The following RNF121 variants were observed in gnomAD, a reference collection of about 807,000 sequenced individuals.
RNF121 encodes the protein ring finger protein 121, also known as E3 ubiquitin ligase RNF121.
A neutral mutation model predicts 46.5 loss-of-function variants in RNF121; 21 were observed. That is an observed-to-expected ratio of 0.45 (90% CI 0.32 to 0.65). The LOEUF is 0.65. Ranked by LOEUF, RNF121 falls within the 30% of genes least tolerant of loss-of-function variation. The pLI, the probability that RNF121 is intolerant of heterozygous loss-of-function variation, is 0.04. For synonymous variants in RNF121, 139 were observed against 144.7 expected (o/e 0.96, Z 0.28); for missense variants, 346 against 416.0 (o/e 0.83, Z 1.46).
intron 1 of RNF121, among the ~76,000 whole-genome samples, chr11:71,946,057 G>A (rs1340698085): frequency 1.3e-5 from 2 of 152,004 alleles, no homozygotes; most frequent in Admixed American, 6.6e-5. Flanking sequence ...GCTGCAGTGA[G>A]TTATGTTTGT....
chr11:71,938,095 C>T (rs1460087935), intron 1 of RNF121, among the ~76,000 whole-genome samples: 2 of 152,134 alleles, frequency 1.3e-5, no homozygotes, highest in Non-Finnish European at 2.9e-5. Context: ...GTCCTCCTTT[C>T]ACAGAGTGTT....
intron 3 of RNF121, among the ~76,000 whole-genome samples, chr11:71,981,819 T>C (rs2134204630): frequency 6.6e-6 from 1 of 152,260 alleles, no homozygotes; most frequent in South Asian, 2.1e-4. Context: ...TTTTCTAGTT[T>C]AGAGGAAGTG....
chr11:71,982,974 A>G (rs1590809194), intron 4 of RNF121, 59 bp downstream of exon 4: 7 of 1,511,750 alleles, frequency 4.6e-6, no homozygotes, highest in Non-Finnish European at 4.4e-6. Flanking sequence ...GTTGGAATGC[A>G]TGGGAGGAGC....
At chr11:71,969,163 A>G (rs1232206810) in intron 3 of RNF121, among the ~76,000 whole-genome samples, 1 of 152,142 alleles carries the variant, frequency 6.6e-6, no homozygotes, top group Admixed American at 6.5e-5. Flanking sequence ...CTGGGATTAC[A>G]GACGTGAGCC....
intron 5 of RNF121, among the ~76,000 whole-genome samples, chr11:71,987,590 G>A (rs1954794656): frequency 6.6e-6 from 1 of 152,150 alleles, no homozygotes; most frequent in Non-Finnish European, 1.5e-5. Flanking sequence ...ACATAGTCAT[G>A]CCCATTCATT....
At chr11:71,991,000 A>G (rs1449055355) in intron 6 of RNF121, among the ~76,000 whole-genome samples, 1 of 152,230 alleles carries the variant, frequency 6.6e-6, no homozygotes, top group Non-Finnish European at 1.5e-5. Flanking sequence ...GTTCTTACTT[A>G]TAAGTGGGAA....
Position 71,929,953 on chromosome 11 carries a change from T to G in RNF121, c.63+829T>G, listed in dbSNP as rs11235407. ...AAACGATAAATAAGTGTCTCTCTCT[T>G]CTTCTGGATTTATGAGTTCCTTGAA... On this transcript the variant is annotated intron_variant, in intron 1 of 8. Coordinates refer to ENST00000361756, the MANE Select transcript of RNF121 (RefSeq NM_018320.5). Among the ~76,000 whole-genome samples, 118 of 152,346 alleles carry G rather than the reference T, an allele frequency of 7.7e-4. 1 individual carries two copies. In the East Asian group the frequency reaches 0.017, roughly 22 times the overall value.
intron 1 of RNF121, among the ~76,000 whole-genome samples, chr11:71,934,597 G>C (rs1293714756): frequency 6.6e-6 from 1 of 152,160 alleles, no homozygotes; most frequent in African/African-American, 2.4e-5. Context: ...CTTCTCTAGA[G>C]ATTTTTGGTC....
At chr11:71,931,244 C>T (rs1243047660) in intron 1 of RNF121, among the ~76,000 whole-genome samples, 1 of 152,180 alleles carries the variant, frequency 6.6e-6, no homozygotes, top group Admixed American at 6.5e-5. Flanking sequence ...TACAGAGTAT[C>T]ATGCATAGGA....
At chr11:71,985,261 T>G (rs1487484538) in intron 4 of RNF121, among the ~76,000 whole-genome samples, 1 of 152,146 alleles carries the variant, frequency 6.6e-6, no homozygotes, top group Non-Finnish European at 1.5e-5. Flanking sequence ...TATTTATACA[T>G]GTAGCATTTC....
At chr11:71,967,424 A>ACTGCAAT (rs1954310101) in intron 3 of RNF121, among the ~76,000 whole-genome samples, 1 of 135,218 alleles carries the variant, frequency 7.4e-6, no homozygotes, top group Non-Finnish European at 1.5e-5. Context: ...GTCTCGGCTC[A>ACTGCAAT]CTGCAATCTC....
At chr11:71,983,771 G>T (rs746040775) in intron 4 of RNF121, 5 of 152,280 alleles carry the variant, frequency 3.3e-5, no homozygotes, top group Non-Finnish European at 5.9e-5. Flanking sequence ...AGTGCAGTTG[G>T]TAAGTGCTAT....
At chr11:71,941,930 A>ATT (rs35553015) in intron 1 of RNF121, among the ~76,000 whole-genome samples, 2 of 102,704 alleles carry the variant, frequency 1.9e-5, no homozygotes, top group African/African-American at 7.1e-5. Flanking sequence ...TGTAATGAGA[A>ATT]TTTTTTTTTT....
chr11:71,995,738 T>G (rs1224951080), intron 8 of RNF121, among the ~76,000 whole-genome samples, 187 bp downstream of exon 8: 1 of 152,192 alleles, frequency 6.6e-6, no homozygotes, highest in Non-Finnish European at 1.5e-5. Context: ...ATTCTAGGAT[T>G]ATTGCCTATT....
chr11:71,995,326 C>G, intron 7 of RNF121, 124 bp from the exon 8 acceptor site: 1 of 746,658 alleles, frequency 1.3e-6, no homozygotes, highest in Non-Finnish European at 2.3e-6. Flanking sequence ...GGTTCAGACA[C>G]AGGGACTTGC....
intron 6 of RNF121, 135 bp downstream of exon 6, chr11:71,990,852 A>ACATCT: frequency 9.8e-7 from 1 of 1,020,278 alleles, no homozygotes; most frequent in Non-Finnish European, 1.4e-6. Context: ...GTGCATATGC[A>ACATCT]TGGACATTCC....
rs188343302 is a variant in RNF121 at position 71,975,665 on chromosome 11, C to T, written c.244-7096C>T. On this transcript the variant is annotated intron_variant, in intron 3 of 8. Coordinates refer to ENST00000361756, the MANE Select transcript of RNF121 (RefSeq NM_018320.5). ...CATCTCTGAATTCCCCAGTCATTAG[C>T]ATGGCATCCAGTAAGTGCTCAGTAA... Among the ~76,000 whole-genome samples the T allele has an allele frequency of 1.4e-4, 21 of 152,322 alleles. No homozygotes were observed. The East Asian group carries it at 3.9e-3, about 28-fold the overall frequency.
At chr11:71,983,064 G>A (rs542044161) in intron 4 of RNF121, 149 bp downstream of exon 4, 6 of 544,608 alleles carry the variant, frequency 1.1e-5, no homozygotes, top group African/African-American at 7.8e-5. Flanking sequence ...AAGCTGATTG[G>A]TAGAACCCCT....
intron 2 of RNF121, among the ~76,000 whole-genome samples, chr11:71,958,902 T>C (rs1243298416): frequency 4.6e-5 from 7 of 152,232 alleles, no homozygotes; most frequent in Non-Finnish European, 8.8e-5. Flanking sequence ...CTTCATTTTG[T>C]GCACATCCGT....
Sources: gnomAD v4.1 joint callset for allele counts (sites outside exome capture counted in the v4.1 genomes callset) on GRCh38, gnomAD v4.1.1 for gene constraint, MANE v1.5 for transcripts, NCBI Gene and HGNC (gene_info 2026-07-23, HGNC 2026-07-21) for gene names.